TP53BP1: variants seen among roughly 807,000 people sequenced by gnomAD.
TP53BP1 encodes the protein TP53-binding protein 1.
Under a neutral mutation model 200.8 loss-of-function variants are expected in TP53BP1, and 61 were observed. The observed-to-expected ratio is 0.30, with a 90% CI of 0.25 to 0.38. TP53BP1 has a LOEUF of 0.38. Among genes scored for constraint, TP53BP1 ranks in the 10% least tolerant of loss-of-function variants. The probability of loss-of-function intolerance (pLI) is 1.00; values close to 1 mark genes in which losing one functional copy is unlikely to be tolerated. For missense variants in TP53BP1, 2,144 were observed against 2,371.9 expected (o/e 0.90, Z 2.00); for synonymous variants, 822 against 844.3 (o/e 0.97, Z 0.46).
At position 43,404,097 on chromosome 15, in the gene TP53BP1, C is replaced by G. The variant is rs1445527663; in HGVS notation, c.*3286G>C. 1.2e-5 allele frequency: 6 copies of G among 517,588 alleles called. No homozygotes were observed. Among genetic ancestry groups the G allele is most frequent in the Middle Eastern group, 5.0e-4 (1 of 2,018 alleles). 32.1% of individuals were successfully genotyped at this position (517,588 alleles called of 1,614,324 possible). A position where few individuals can be genotyped will look rare whatever the true frequency, so the allele number is the denominator to read the frequency against. Reference sequence around the variant, plus strand: ...CCCTCCTTACTTCCTTGAACTAACCCCCATCTCACTGAGATAATTATCTGC... The same window carrying G: ...CCCTCCTTACTTCCTTGAACTAACCGCCATCTCACTGAGATAATTATCTGC... On this transcript the variant is annotated 3_prime_UTR_variant, in exon 28 of 28. Transcript: ENST00000382044.
chr15:43,453,666 T>A (rs995506193), intron 12 of TP53BP1, among the ~76,000 whole-genome samples: 1 of 151,500 alleles, frequency 6.6e-6, no homozygotes, highest in Admixed American at 6.6e-5. Flanking sequence ...TGCCTCAGCC[T>A]CCAGAGTAGC....
At chr15:43,452,784 T>C (rs1025210189) in intron 12 of TP53BP1, among the ~76,000 whole-genome samples, 5 of 152,168 alleles carry the variant, frequency 3.3e-5, no homozygotes, top group Non-Finnish European at 7.3e-5. Flanking sequence ...TAATAAGTTT[T>C]ACTACGGCAA....
Position 43,432,225 on chromosome 15 carries a change from G to C in TP53BP1, c.3644C>G (p.Pro1215Arg), listed in dbSNP as rs1595546983. Residue 1215 changes from proline (P) to arginine (R), a missense_variant, in exon 17 of 28, where the codon CCT (proline) becomes CGT (arginine). Around this residue, in one of 4 missense-constraint regions of TP53BP1, gnomAD observed 1,700 missense variants for 1,710.3 expected, o/e 0.99. Transcript: ENST00000382044. ...ATGGAGCGACTCTGTATCATCCCCA[G>C]GAGCACTGACTGGTTTCTCACCACT... ...RGSGEKPVSA[P>R]GDDTESLHSQ... 3.1e-6 allele frequency: 5 copies of C among 1,613,952 alleles called. No individual in the cohort carries two copies. The highest frequency in any genetic ancestry group is 4.2e-6 in the Non-Finnish European group (5 of 1,179,990).
intron 11 of TP53BP1, among the ~76,000 whole-genome samples, chr15:43,463,192 T>A (rs1344789712): frequency 6.6e-6 from 1 of 152,210 alleles, no homozygotes; most frequent in African/African-American, 2.4e-5. Flanking sequence ...AATACATATA[T>A]CAAGAATGAG....
At chr15:43,453,298 T>C (rs2046216117) in intron 12 of TP53BP1, among the ~76,000 whole-genome samples, 2 of 150,050 alleles carry the variant, frequency 1.3e-5, no homozygotes, top group African/African-American at 4.9e-5. Flanking sequence ...TATTTAAACA[T>C]AATACAATTA....
intron 14 of TP53BP1, among the ~76,000 whole-genome samples, chr15:43,444,108 G>A (rs1168387158): frequency 1.3e-5 from 2 of 152,180 alleles, no homozygotes; most frequent in African/African-American, 2.4e-5. Context: ...ATGAAATGAT[G>A]TAAGTAACAC....
At chr15:43,425,729 T>G (rs1230882554) in intron 18 of TP53BP1, among the ~76,000 whole-genome samples, 1 of 152,216 alleles carries the variant, frequency 6.6e-6, no homozygotes, top group Non-Finnish European at 1.5e-5. Context: ...TACAAAAATT[T>G]TCATGAAGGC....
At chr15:43,431,393 TACG>T (rs1399733415) in intron 17 of TP53BP1, among the ~76,000 whole-genome samples, 1 of 152,172 alleles carries the variant, frequency 6.6e-6, no homozygotes, top group Non-Finnish European at 1.5e-5. Flanking sequence ...CATACATTTC[TACG>T]ACTTCTTTTC....
At position 43,435,218 on chromosome 15, in the gene TP53BP1, G is replaced by A. The variant is rs561115929; in HGVS notation, c.3192-2541C>T. Among the ~76,000 whole-genome samples, 42 of 118,636 alleles carry A rather than the reference G, an allele frequency of 3.5e-4. No individual in the cohort carries two copies. In the South Asian group the frequency reaches 0.01, roughly 29 times the overall value. 77.8% of individuals were successfully genotyped at this position (118,636 alleles called of 152,430 possible). On this transcript the variant is annotated intron_variant, in intron 16 of 27. Coordinates refer to ENST00000382044, the MANE Select transcript of TP53BP1 (RefSeq NM_001141980.3). ...GTGGAGGTTGCAGTGAGCCAAGATC[G>A]CCCTACTGCACTTCCAGCCTGGGTG...
At chr15:43,433,537 T>A (rs1316807415) in intron 16 of TP53BP1, among the ~76,000 whole-genome samples, 1 of 152,226 alleles carries the variant, frequency 6.6e-6, no homozygotes, top group Non-Finnish European at 1.5e-5. Context: ...CAGCTTAATA[T>A]AAAATAGATG....
rs1394377571 is a variant in TP53BP1, at chr15:43,453,109, G to T, written c.2716+2783C>A. Among the ~76,000 whole-genome samples, 4 of 142,070 alleles carry T rather than the reference G, an allele frequency of 2.8e-5. No homozygotes were observed. The Admixed American group carries it at 3.0e-4, about 11-fold the overall frequency. The allele number at this position is 142,070 out of a possible 152,430, so 93.2% of individuals were successfully genotyped here. On this transcript the variant is annotated intron_variant, in intron 12 of 27. Coordinates refer to ENST00000382044, the MANE Select transcript of TP53BP1 (RefSeq NM_001141980.3). ...CTCGGGAGGCTGACGCAGGAGAATG[G>T]CATGAACCCAAGAGGCGGAGCTTGC... is the stretch of plus-strand genomic sequence containing the variant.
In TP53BP1 at chr15:43,403,116, A is replaced by T. The variant is rs942999258; in HGVS notation, c.*4267T>A. 6.6e-6 allele frequency: 1 copy of T among 152,244 alleles called. No individual in the cohort carries two copies. The highest frequency in any genetic ancestry group is 2.4e-5 in the African/African-American group (1 of 41,456). 9.4% of individuals were successfully genotyped at this position (152,244 alleles called of 1,614,324 possible). A position where few individuals can be genotyped will look rare whatever the true frequency, so the allele number is the denominator to read the frequency against. ...ACTGTATGCAAGGCACTGGGGATAC[A>T]AAGAGGTATAATTCATGGCTCTGCC... On this transcript the variant is annotated 3_prime_UTR_variant, in exon 28 of 28. Coordinates refer to ENST00000382044, the MANE Select transcript of TP53BP1 (RefSeq NM_001141980.3).
chr15:43,405,541 C>CA lies in TP53BP1; in HGVS notation c.*1841dup, dbSNP rs2044840532. ...GGTACTGTTCAAGCTGTGGGAGATA[C>CA]AGCGGTAAACAAACAATATAGAGCA... On this transcript the variant is annotated 3_prime_UTR_variant, in exon 28 of 28. Transcript: ENST00000382044. The CA allele has an allele frequency of 1.2e-5, 4 of 325,282 alleles. No individual in the cohort carries two copies. The highest frequency in any genetic ancestry group is 6.3e-5 in the African/African-American group (3 of 47,354). 20.1% of individuals were successfully genotyped at this position (325,282 alleles called of 1,614,324 possible).
At chr15:43,467,050 T>A (rs1426440901) in intron 11 of TP53BP1, among the ~76,000 whole-genome samples, 1 of 150,186 alleles carries the variant, frequency 6.7e-6, no homozygotes, top group East Asian at 1.9e-4. Context: ...AGCTATGTTG[T>A]AAAGGTATTC....
chr15:43,493,220 G>C, upstream of TP53BP1: 3 of 1,468,768 alleles, frequency 2.0e-6, no homozygotes, highest in Non-Finnish European at 2.7e-6. Flanking sequence ...CGCCACTCAA[G>C]AAATCCCGTG....
chr15:43,414,175 G>A (rs546285385), intron 23 of TP53BP1: 15 of 458,038 alleles, frequency 3.3e-5, no homozygotes, highest in African/African-American at 1.0e-4. Flanking sequence ...TTATATGAAC[G>A]AGGCTGGAAT....
At chr15:43,509,533 C>T (rs1057065513) in intron 1 of TP53BP1, among the ~76,000 whole-genome samples, 6 of 152,040 alleles carry the variant, frequency 3.9e-5, no homozygotes, top group East Asian at 1.9e-4. Flanking sequence ...CTCAGCCTCC[C>T]GAGTAGCTGG....
At chr15:43,493,225 C>T (rs2079154560), upstream of TP53BP1, 1 of 1,466,670 alleles carries the variant, frequency 6.8e-7, no homozygotes, top group East Asian at 2.5e-5. Context: ...CTCAAGAAAT[C>T]CCGTGGATGA....
At chr15:43,476,248 G>A (rs920931053) in intron 8 of TP53BP1, among the ~76,000 whole-genome samples, 3 of 152,190 alleles carry the variant, frequency 2.0e-5, no homozygotes, top group African/African-American at 4.8e-5. Flanking sequence ...CTGGGCAACA[G>A]AGGGAGACTC....
Sources: gnomAD v4.1 joint callset for allele counts (sites outside exome capture counted in the v4.1 genomes callset) on GRCh38, gnomAD v4.1.1 for gene constraint, gnomAD v4.1.1 regional missense constraint, MANE v1.5 for transcripts, NCBI Gene and HGNC (gene_info 2026-07-23, HGNC 2026-07-21) for gene names.